RABL3: variants seen among roughly 807,000 people sequenced by gnomAD.
RABL3 encodes the protein rab-like protein 3.
In RABL3, 31 loss-of-function variants were observed where a neutral mutation model predicts 31.8. The observed-to-expected ratio is 0.97, with a 90% CI of 0.73 to 1.31. The LOEUF is 1.31. RABL3 is among the 40% of genes most tolerant of loss of function. The probability of loss-of-function intolerance (pLI) is 0.00; values close to 1 mark genes in which losing one functional copy is unlikely to be tolerated. For missense variants in RABL3, 263 were observed against 279.6 expected (o/e 0.94, Z 0.42); for synonymous variants, 97 against 99.9 (o/e 0.97, Z 0.18).
At chr3:120,706,858 C>A (rs1447625237) in intron 3 of RABL3, among the ~76,000 whole-genome samples, 1 of 151,962 alleles carries the variant, frequency 6.6e-6, no homozygotes, top group African/African-American at 2.4e-5. Flanking sequence ...AGAAAAATAA[C>A]AAAATGTAAC....
intron 2 of RABL3, among the ~76,000 whole-genome samples, chr3:120,717,707 G>A (rs1010265384): frequency 6.6e-6 from 1 of 152,142 alleles, no homozygotes; most frequent in African/African-American, 2.4e-5. Context: ...GACCTCACGT[G>A]ATCCACCGAC....
intron 3 of RABL3, among the ~76,000 whole-genome samples, chr3:120,709,425 A>G (rs1708586799): frequency 6.6e-6 from 1 of 152,032 alleles, no homozygotes; most frequent in African/African-American, 2.4e-5. Flanking sequence ...GCTTAAGACT[A>G]TGGGACTCCT....
chr3:120,732,192 T>C (rs897385287), intron 1 of RABL3, among the ~76,000 whole-genome samples: 3 of 152,250 alleles, frequency 2.0e-5, no homozygotes, highest in Non-Finnish European at 2.9e-5. Flanking sequence ...AACATAAGCG[T>C]CTGCTTCCAT....
chr3:120,720,081 G>C (rs900544538), intron 2 of RABL3, among the ~76,000 whole-genome samples: 1 of 152,220 alleles, frequency 6.6e-6, no homozygotes, highest in Admixed American at 6.5e-5. Flanking sequence ...ACAGGGTCTG[G>C]AGCGGACCTC....
At chr3:120,716,394 G>A (rs1490729396) in intron 2 of RABL3, among the ~76,000 whole-genome samples, 1 of 152,098 alleles carries the variant, frequency 6.6e-6, no homozygotes, top group East Asian at 1.9e-4. Flanking sequence ...AATCCAAAAT[G>A]TTAGTAATTA....
intron 2 of RABL3, among the ~76,000 whole-genome samples, chr3:120,721,017 T>C (rs1044565580): frequency 6.6e-6 from 1 of 151,984 alleles, no homozygotes; most frequent in Non-Finnish European, 1.5e-5. Flanking sequence ...CAGAACAGAG[T>C]GGGGGCCAAT....
At position 120,687,793 on chromosome 3, in the gene RABL3, T is replaced by C. The variant is rs1708329264; in HGVS notation, c.*2030A>G. ...TTTATTATTTATTTATATATTTATA[T>C]ATTTATTTATTTATTTTCTTTTAGT... On this transcript the variant is annotated 3_prime_UTR_variant, in exon 8 of 8. Transcript: ENST00000273375. The C allele has an allele frequency of 1.3e-5, 2 of 150,920 alleles. No homozygotes were observed. Among genetic ancestry groups the C allele is most frequent in the African/African-American group, 2.4e-5 (1 of 41,296 alleles). 9.3% of individuals were successfully genotyped at this position (150,920 alleles called of 1,614,324 possible). A position where few individuals can be genotyped will look rare whatever the true frequency, so the allele number is the denominator to read the frequency against.
chr3:120,722,620 A>ATCACAGATGCCCATTT, intron 2 of RABL3: 1 of 152,356 alleles, frequency 6.6e-6, no homozygotes, highest in South Asian at 2.1e-4. Context: ...TAACACTAGC[A>ATCACAGATGCCCATTT]TCACAGATGC....
intron 1 of RABL3, among the ~76,000 whole-genome samples, chr3:120,736,531 C>A (rs1708968014): frequency 6.6e-6 from 1 of 152,136 alleles, no homozygotes. Flanking sequence ...AGCCCACTTA[C>A]ATTTAAGGTT....
At position 120,687,586 on chromosome 3, in the gene RABL3, C is replaced by T. The variant is rs1190273343; in HGVS notation, c.*2237G>A. ...AACTCTAGCTAATAACATTCATTTGCGCAAAAAGCCTTATTATGCTGCTGC... is the reference window on the plus strand; with the variant it reads ...AACTCTAGCTAATAACATTCATTTGTGCAAAAAGCCTTATTATGCTGCTGC... On this transcript the variant is annotated 3_prime_UTR_variant, in exon 8 of 8. Transcript: ENST00000273375. 4 of 152,002 alleles carry T rather than the reference C, an allele frequency of 2.6e-5. No individual in the cohort carries two copies. Among genetic ancestry groups the T allele is most frequent in the South Asian group, 2.1e-4 (1 of 4,826 alleles). The allele number at this position is 152,002 out of a possible 1,614,324, so 9.4% of individuals were successfully genotyped here. A position where few individuals can be genotyped will look rare whatever the true frequency, so the allele number is the denominator to read the frequency against.
intron 2 of RABL3, among the ~76,000 whole-genome samples, chr3:120,725,371 T>C (rs1010100671): frequency 1.3e-5 from 2 of 152,224 alleles, no homozygotes; most frequent in African/African-American, 4.8e-5. Context: ...AGTTCAACCA[T>C]TGTGGAAGTC....
intron 1 of RABL3, among the ~76,000 whole-genome samples, chr3:120,741,752 C>T (rs1330991891): frequency 3.3e-5 from 5 of 152,130 alleles, no homozygotes; most frequent in African/African-American, 7.2e-5. Context: ...CAGAATAAAA[C>T]TCTTACTTTA....
intron 2 of RABL3, among the ~76,000 whole-genome samples, chr3:120,726,477 C>T (rs1342882032): frequency 6.6e-6 from 1 of 151,964 alleles, no homozygotes; most frequent in Non-Finnish European, 1.5e-5. Flanking sequence ...CAAAAAAAGT[C>T]GGGCCAGGCA....
Position 120,706,028 on chromosome 3 carries a change from C to T in RABL3, c.355G>A (p.Val119Met), listed in dbSNP as rs1576335372. The T allele has an allele frequency of 1.2e-6, 2 of 1,613,144 alleles. No individual in the cohort carries two copies. The highest frequency in any genetic ancestry group is 8.5e-7 in the Non-Finnish European group (1 of 1,179,274). Residue 119 changes from valine (V) to methionine (M), a missense_variant, in exon 4 of 8, where the codon GTG becomes ATG. Physicochemically the swap from Val to Met is conservative, Grantham distance 21. Transcript: ENST00000273375. ...WSLEALNRDL[V>M]PTGVLVTNGD... ...TTTGTCACCAAGACTCCAGTTGGCA[C>T]CAAATCCCTGTTGAGAGCTTCCAAT...
At chr3:120,738,991 C>T (rs9854081) in intron 1 of RABL3, among the ~76,000 whole-genome samples, 29,977 of 152,082 alleles carry the variant, frequency 0.2, 3,521 homozygotes, top group East Asian at 0.36. Context: ...GGTTATACTG[C>T]CACCAGCCAT....
intron 3 of RABL3, among the ~76,000 whole-genome samples, chr3:120,706,541 T>C (rs1708550503): frequency 6.6e-6 from 1 of 151,680 alleles, no homozygotes; most frequent in Non-Finnish European, 1.5e-5. Context: ...TACCAGTACA[T>C]ACATATATTA....
intron 3 of RABL3, among the ~76,000 whole-genome samples, chr3:120,706,447 G>A (rs1247792348): frequency 6.6e-6 from 1 of 151,818 alleles, no homozygotes; most frequent in Non-Finnish European, 1.5e-5. Context: ...TTAATCAAGA[G>A]AATCAAAACT....
Position 120,704,630 on chromosome 3 carries a change from T to C in RABL3, c.383+1370A>G, listed in dbSNP as rs76154424. Among the ~76,000 whole-genome samples, 1,844 of 152,234 alleles carry C rather than the reference T, an allele frequency of 0.012. 116 individuals are homozygous for C. In the East Asian group the frequency reaches 0.17, roughly 14 times the overall value. On this transcript the variant is annotated intron_variant, in intron 4 of 7. Transcript: ENST00000273375. Reference sequence around the variant, plus strand: ...GATTGAAAAGGAAGAAATAAACCTGTCTATGTAGAGCATCCTAAGGATTGT... The same window carrying C: ...GATTGAAAAGGAAGAAATAAACCTGCCTATGTAGAGCATCCTAAGGATTGT...
chr3:120,732,739 G>C (rs1708901820), intron 1 of RABL3, among the ~76,000 whole-genome samples: 1 of 129,604 alleles, frequency 7.7e-6, no homozygotes, highest in Non-Finnish European at 1.6e-5. Context: ...ACAGGCCCTG[G>C]TGTGTGATGT....
Sources: gnomAD v4.1 joint callset for allele counts (sites outside exome capture counted in the v4.1 genomes callset) on GRCh38, gnomAD v4.1.1 for gene constraint, MANE v1.5 for transcripts, NCBI Gene and HGNC (gene_info 2026-07-23, HGNC 2026-07-21) for gene names.